The following SLC28A2 variants were observed in gnomAD, a reference collection of about 807,000 sequenced individuals.
The protein encoded by SLC28A2 is solute carrier family 28 member 2.
SLC28A2 carries 69 observed loss-of-function variants against 72.9 expected under a neutral mutation model. The ratio of observed to expected loss-of-function variants is 0.95; its 90% CI spans 0.78 to 1.16. SLC28A2 has a LOEUF of 1.16. Among genes scored for constraint, SLC28A2 ranks in the 50% most tolerant of loss-of-function variants. SLC28A2 has a pLI of 0.00. For missense variants in SLC28A2, 745 were observed against 791.1 expected (o/e 0.94, Z 0.70); for synonymous variants, 296 against 294.1 (o/e 1.01, Z -0.07).
intron 6 of SLC28A2, 48 bp from the exon 7 acceptor site, chr15:45,264,607 A>G: frequency 8.0e-7 from 1 of 1,251,260 alleles, no homozygotes; most frequent in Non-Finnish European, 1.2e-6. Context: ...CCAACCAGGT[A>G]ATGGACTAGC....
At chr15:45,275,190 G>A (rs561180131) in intron 17 of SLC28A2, among the ~76,000 whole-genome samples, 1 of 152,320 alleles carries the variant, frequency 6.6e-6, no homozygotes, top group East Asian at 1.9e-4. Context: ...CAAAGGAACA[G>A]ACACACATGG....
At chr15:45,274,710 C>T (rs1900694633) in intron 17 of SLC28A2, among the ~76,000 whole-genome samples, 1 of 151,186 alleles carries the variant, frequency 6.6e-6, no homozygotes, top group East Asian at 1.9e-4. Context: ...GAGGTATGAG[C>T]TGGATTCATC....
intron 13 of SLC28A2, 46 bp downstream of exon 13, chr15:45,268,424 G>A (rs1567061161): frequency 1.3e-6 from 2 of 1,507,868 alleles, no homozygotes; most frequent in East Asian, 2.3e-5. Flanking sequence ...ATGTGGTTAG[G>A]TAGCCCTTCA....
At chr15:45,266,801 A>C (rs1419552346) in intron 10 of SLC28A2, among the ~76,000 whole-genome samples, 1 of 152,140 alleles carries the variant, frequency 6.6e-6, no homozygotes, top group African/African-American at 2.4e-5. Context: ...AATTATCCAT[A>C]ATCAGCCTAG....
rs959168893 is a variant in SLC28A2, at chr15:45,272,696, G to C, written c.1771G>C (p.Ala591Pro). Reference protein sequence around the residue: ...MAGILYVPRGAEADCVSFPNT... With the variant: ...MAGILYVPRGPEADCVSFPNT... ...AGGAATCCTCTATGTCCCCAGGGGA[G>C]CTGAAGCTGACTGTGTCTCCTTCCC... is the stretch of plus-strand genomic sequence containing the variant. The change falls in exon 17 of 18, where the codon GCT (alanine) becomes CCT (proline). Residue 591 changes from alanine (A) to proline (P), a missense_variant. Transcript: ENST00000347644. 2 of 1,608,190 alleles carry C rather than the reference G, an allele frequency of 1.2e-6. No individual in the cohort carries two copies. Among genetic ancestry groups the C allele is most frequent in the Non-Finnish European group, 1.7e-6 (2 of 1,174,648 alleles).
chr15:45,259,063 T>G (rs1238105073), intron 3 of SLC28A2, among the ~76,000 whole-genome samples: 1 of 152,222 alleles, frequency 6.6e-6, no homozygotes, highest in Non-Finnish European at 1.5e-5. Context: ...TGTGCATCTT[T>G]TCGGCTTTTT....
chr15:45,254,346 G>A (rs73415944), intron 3 of SLC28A2, among the ~76,000 whole-genome samples: 13,469 of 152,082 alleles, frequency 0.089, 1,662 homozygotes, highest in African/African-American at 0.28. Flanking sequence ...GTATATCAAC[G>A]GTGTATATCA....
chr15:45,265,950 G>A, intron 9 of SLC28A2, 131 bp from the exon 10 acceptor site: 1 of 717,046 alleles, frequency 1.4e-6, no homozygotes, highest in South Asian at 1.8e-5. Context: ...TTGGTTTTTG[G>A]CCCTAGGCTT....
At chr15:45,265,447 CCTAAA>C in intron 8 of SLC28A2, 131 bp from the exon 9 acceptor site, 2 of 699,836 alleles carry the variant, frequency 2.9e-6, no homozygotes, top group Non-Finnish European at 5.2e-6. Flanking sequence ...TAAATGTATC[CCTAAA>C]CTAGTTTGTG....
At chr15:45,271,566 A>G (rs1055486395) in intron 15 of SLC28A2, among the ~76,000 whole-genome samples, 8 of 141,252 alleles carry the variant, frequency 5.7e-5, no homozygotes, top group Non-Finnish European at 1.2e-4. Flanking sequence ...TGTAGAAAGA[A>G]AAAAAGAAGA....
chr15:45,262,362 C>A (rs1900188560), intron 4 of SLC28A2, among the ~76,000 whole-genome samples: 1 of 152,062 alleles, frequency 6.6e-6, no homozygotes, highest in Non-Finnish European at 1.5e-5. Flanking sequence ...AGAATGGGGG[C>A]TTATCCTTTT....
chr15:45,265,627 C>G lies in SLC28A2; in HGVS notation c.825C>G (p.Leu275=). 1 of 1,613,734 alleles carries G rather than the reference C, an allele frequency of 6.2e-7. No individual in the cohort carries two copies. Among genetic ancestry groups the G allele is most frequent in the African/African-American group, 1.3e-5 (1 of 75,040 alleles). ...IIFFGCVVSI[L]YYLGLVQWVV... is the part of the protein sequence containing the mutation. Reference sequence around the variant, plus strand: ...TCTTTGGATGTGTGGTGTCCATTCTCTACTACCTGGGCCTTGTGCAATGGG... The same window carrying G: ...TCTTTGGATGTGTGGTGTCCATTCTGTACTACCTGGGCCTTGTGCAATGGG... The change falls in exon 9 of 18, where the codon CTC becomes CTG. Residue 275 remains leucine (L), a synonymous_variant. Transcript: ENST00000347644.
chr15:45,261,912 A>G, intron 3 of SLC28A2, 103 bp from the exon 4 acceptor site: 2 of 787,606 alleles, frequency 2.5e-6, no homozygotes, highest in Non-Finnish European at 2.3e-6. Flanking sequence ...TCATTGACTA[A>G]GAGCTAATTC....
Position 45,264,677 on chromosome 15 carries a change from C to T in SLC28A2, c.611C>T (p.Ser204Leu), listed in dbSNP as rs375534708. 1.8e-5 allele frequency: 29 copies of T among 1,611,936 alleles called. No individual in the cohort carries two copies. Among genetic ancestry groups the T allele is most frequent in the Middle Eastern group, 1.6e-4 (1 of 6,068 alleles). ...TAGGTGTCCTGGAGGACAGTGTTTT[C>T]GGGCCTAGGTCTTCAATTTGTCTTT... ...HSAVSWRTVF[S>L]GLGLQFVFGI... Residue 204 changes from serine to leucine, a missense_variant, in exon 7 of 18, where the codon TCG becomes TTG. Transcript: ENST00000347644.
Position 45,276,805 on chromosome 15 carries a change from C to T in SLC28A2, c.*1292C>T, listed in dbSNP as rs1021338813. On this transcript the variant is annotated 3_prime_UTR_variant, in exon 18 of 18. Coordinates refer to ENST00000347644, the MANE Select transcript of SLC28A2 (RefSeq NM_004212.4). ...TGGTTGTCAAACATTTGTAAATCTG[C>T]AAACTTCTTAACAACATTACACAGT... The T allele has an allele frequency of 1.3e-5, 2 of 152,140 alleles. No individual in the cohort carries two copies. Among genetic ancestry groups the T allele is most frequent in the Non-Finnish European group, 2.9e-5 (2 of 68,028 alleles). The allele number at this position is 152,140 out of a possible 1,614,324, so 9.4% of individuals were successfully genotyped here.
chr15:45,268,095 T>A, intron 12 of SLC28A2, 115 bp from the exon 13 acceptor site: 3 of 988,912 alleles, frequency 3.0e-6, no homozygotes, highest in African/African-American at 1.6e-5. Flanking sequence ...CCTGTCACCT[T>A]CTACATTGGC....
chr15:45,258,939 T>C (rs1224050781), intron 3 of SLC28A2, among the ~76,000 whole-genome samples: 1 of 152,222 alleles, frequency 6.6e-6, no homozygotes, highest in Non-Finnish European at 1.5e-5. Flanking sequence ...TTTAGCAAAT[T>C]TCACTCCCCT....
Position 45,276,387 on chromosome 15 carries a change from G to T in SLC28A2, c.*874G>T, listed in dbSNP as rs1022840569. ...GGAGATATACCTAATGCTAAATGACGAGTTAATGGGTGCAGCACACTAGCA... is the reference window on the plus strand; with the variant it reads ...GGAGATATACCTAATGCTAAATGACTAGTTAATGGGTGCAGCACACTAGCA... On this transcript the variant is annotated 3_prime_UTR_variant, in exon 18 of 18. Transcript: ENST00000347644. 7 of 151,978 alleles carry T rather than the reference G, an allele frequency of 4.6e-5. No individual in the cohort carries two copies. Among genetic ancestry groups the T allele is most frequent in the African/African-American group, 1.2e-4 (5 of 41,364 alleles). The allele number at this position is 151,978 out of a possible 1,614,324, so 9.4% of individuals were successfully genotyped here.
intron 3 of SLC28A2, among the ~76,000 whole-genome samples, chr15:45,257,135 A>T (rs745914158): frequency 7.2e-5 from 11 of 152,182 alleles, no homozygotes; most frequent in Non-Finnish European, 1.6e-4. Flanking sequence ...ATTGCTTATG[A>T]GTGTACTGTC....
Sources: allele counts gnomAD v4.1 joint callset (sites outside exome capture counted in the v4.1 genomes callset), GRCh38; gene constraint gnomAD v4.1.1; transcripts MANE v1.5; gene names NCBI Gene and HGNC (gene_info 2026-07-23, HGNC 2026-07-21).